Variants in ABCC2 observed in about 807,000 individuals in gnomAD.
ABCC2 encodes ATP binding cassette subfamily C member 2.
In ABCC2, 157 loss-of-function variants were observed where a neutral mutation model predicts 173.4. The observed-to-expected ratio is 0.91, with a 90% CI of 0.80 to 1.03. The LOEUF is 1.03. Ranked by LOEUF, ABCC2 falls within the 50% of genes least tolerant of loss-of-function variation. The probability of loss-of-function intolerance (pLI) is 0.00; values close to 1 mark genes in which losing one functional copy is unlikely to be tolerated. For synonymous variants in ABCC2, 657 were observed against 693.5 expected (o/e 0.95, Z 0.83); for missense variants, 1,822 against 1,852.3 (o/e 0.98, Z 0.30).
At chr10:99,829,265 A>G (rs747894466) in intron 19 of ABCC2, among the ~76,000 whole-genome samples, 2 of 152,058 alleles carry the variant, frequency 1.3e-5, no homozygotes, top group Non-Finnish European at 2.9e-5. Context: ...CATGGCTGCT[A>G]TGATTGTATG....
chr10:99,814,354 T>C (rs2038313790), intron 16 of ABCC2, among the ~76,000 whole-genome samples: 2 of 132,010 alleles, frequency 1.5e-5, no homozygotes, highest in Non-Finnish European at 3.3e-5. Context: ...TACACACGTA[T>C]GTATACACAC....
At chr10:99,785,713 T>G (rs1206655547) in intron 2 of ABCC2, among the ~76,000 whole-genome samples, 2 of 152,144 alleles carry the variant, frequency 1.3e-5, no homozygotes, top group Non-Finnish European at 2.9e-5. Context: ...GGGCGGGATT[T>G]CGCCATGTTG....
At chr10:99,850,891 A>T in intron 31 of ABCC2, 95 bp downstream of exon 31, 3 of 1,407,218 alleles carry the variant, frequency 2.1e-6, no homozygotes, top group Non-Finnish European at 3.0e-6. Flanking sequence ...AGAAGGTTTA[A>T]CCACCACCAC....
In ABCC2 at chr10:99,794,102, A is replaced by C. The variant is rs537207534; in HGVS notation, c.576+103A>C. The C allele has an allele frequency of 1.5e-5, 17 of 1,104,784 alleles. No homozygotes were observed. The South Asian group carries it at 2.0e-4, about 13-fold the overall frequency. The allele number at this position is 1,104,784 out of a possible 1,614,324, so 68.4% of individuals were successfully genotyped here. ...GGTCTCACGGAGGCGCCACAAGCCC[A>C]GAATAAGGTAGTACAGACCATTTTA... On this transcript the variant is annotated intron_variant, in intron 5 of 31. Coordinates refer to ENST00000647814, the MANE Select transcript of ABCC2 (RefSeq NM_000392.5).
rs779887351 is a variant in ABCC2 at position 99,799,338 on chromosome 10, C to T, written c.999C>T (p.Asp333=). Residue 333 remains aspartate, a synonymous_variant, in exon 8 of 32, where the codon GAC becomes GAT. Coordinates refer to ENST00000647814, the MANE Select transcript of ABCC2 (RefSeq NM_000392.5). ...LKSFLLKLVN[D]IFTFVSPQLL... ...CATTCCTACTGAAGCTAGTGAATGA[C>T]ATCTTCACGTTTGTGAGTCCTCAGC... 5.0e-6 allele frequency: 8 copies of T among 1,614,072 alleles called. No individual in the cohort carries two copies. Among genetic ancestry groups the T allele is most frequent in the African/African-American group, 2.7e-5 (2 of 74,932 alleles).
rs1564704221 is a variant in ABCC2 at position 99,851,561 on chromosome 10, A to ATTTGT, written c.4568_4569insTTTGT (p.Gln1523HisfsTer3). 6.2e-7 allele frequency: 1 copy of ATTTGT among 1,614,082 alleles called. No individual in the cohort carries two copies. Among genetic ancestry groups the ATTTGT allele is most frequent in the African/African-American group, 1.3e-5 (1 of 74,942 alleles). ...TGCGGCAGCCCTGAAGAACTGCTAC[A>ATTTGT]AATCCCTGGACCCTTTTACTTTATG... On this transcript the variant is annotated frameshift_variant, in exon 32 of 32. Transcript: ENST00000647814. LOFTEE classifies it high-confidence loss of function.
chr10:99,834,257 T>C (rs958989832), intron 23 of ABCC2, 123 bp from the exon 24 acceptor site: 3 of 981,076 alleles, frequency 3.1e-6, no homozygotes, highest in Non-Finnish European at 4.8e-6. Context: ...CACAATGAAA[T>C]GATTACATGA....
intron 1 of ABCC2, among the ~76,000 whole-genome samples, chr10:99,783,730 T>C (rs1210936887): frequency 3.9e-5 from 6 of 152,056 alleles, no homozygotes; most frequent in Non-Finnish European, 5.9e-5. Flanking sequence ...CCTCGTGTCT[T>C]AGAAAGGACC....
chr10:99,844,516 A>G (rs1446396546), intron 28 of ABCC2, 51 bp downstream of exon 28: 1 of 1,604,294 alleles, frequency 6.2e-7, no homozygotes, highest in Admixed American at 1.7e-5. Flanking sequence ...ATCAAACAAC[A>G]ATTGGACAGA....
rs1370293699 is a variant in ABCC2, at chr10:99,793,712, G to A, written c.468+27G>A. 6 of 1,613,920 alleles carry A rather than the reference G, an allele frequency of 3.7e-6. No individual in the cohort carries two copies. In the Admixed American group the frequency reaches 1.0e-4, roughly 27 times the overall value. ...TAAGGAAAAAAAGAGTGGATGACATGAGGAGGTACCATGGGGCAACCTCTA... is the reference window on the plus strand; with the variant it reads ...TAAGGAAAAAAAGAGTGGATGACATAAGGAGGTACCATGGGGCAACCTCTA... On this transcript the variant is annotated intron_variant, in intron 4 of 31. Coordinates refer to ENST00000647814, the MANE Select transcript of ABCC2 (RefSeq NM_000392.5).
rs779269741 is a variant in ABCC2, at chr10:99,850,754, T to A, written c.4466T>A (p.Ile1489Asn). 1.2e-6 allele frequency: 2 copies of A among 1,614,048 alleles called. No individual in the cohort carries two copies. Among genetic ancestry groups the A allele is most frequent in the African/African-American group, 1.3e-5 (1 of 74,928 alleles). ...AACGAGTTCGCCCACTGCACAGTGA[T>A]CACCATCGCCCACAGGCTGCACACC... is the stretch of plus-strand genomic sequence containing the variant. Reference protein sequence around the residue: ...IQNEFAHCTVITIAHRLHTIM... With the variant: ...IQNEFAHCTVNTIAHRLHTIM... Residue 1489 changes from isoleucine to asparagine, a missense_variant, in exon 31 of 32, where the codon ATC becomes AAC. By Grantham distance (149) the Ile-to-Asn change is moderately radical. Coordinates refer to ENST00000647814, the MANE Select transcript of ABCC2 (RefSeq NM_000392.5).
chr10:99,817,326 C>T lies in ABCC2; in HGVS notation c.2113C>T (p.Pro705Ser), dbSNP rs1236673016. ...CATCTAGGGCACCACTGCCTATGTC[C>T]CACAGCAGTCCTGGATTCAGAATGG... is the stretch of plus-strand genomic sequence containing the variant. ...ITIKGTTAYV[P>S]QQSWIQNGTI... The change falls in exon 17 of 32, where the codon CCA becomes TCA. Residue 705 changes from proline (P) to serine (S), a missense_variant. Pro to Ser is a moderately conservative substitution (Grantham distance 74). Coordinates refer to ENST00000647814, the MANE Select transcript of ABCC2 (RefSeq NM_000392.5). 1 of 1,614,146 alleles carries T rather than the reference C, an allele frequency of 6.2e-7. No homozygotes were observed. The highest frequency in any genetic ancestry group is 1.7e-5 in the Admixed American group (1 of 60,020).
At chr10:99,812,964 A>G in intron 15 of ABCC2, 54 bp from the exon 16 acceptor site, 3 of 1,604,222 alleles carry the variant, frequency 1.9e-6, no homozygotes, top group South Asian at 1.1e-5. Context: ...GACTTGAACT[A>G]CTCTTCAATA....
chr10:99,814,256 TAC>T lies in ABCC2; in HGVS notation c.2094+1117_2094+1118del, dbSNP rs370114104. The stretch of plus-strand genomic sequence containing the variant: ...GTGTATATATGCACACACGTATGTA[TAC>T]ACACGTATGTATACACACGTATGTA... On this transcript the variant is annotated intron_variant, in intron 16 of 31. Coordinates refer to ENST00000647814, the MANE Select transcript of ABCC2 (RefSeq NM_000392.5). Among the ~76,000 whole-genome samples the T allele has an allele frequency of 1.1e-4, 4 of 34,910 alleles. 1 individual carries two copies. The highest frequency in any genetic ancestry group is 2.3e-4 in the Non-Finnish European group (4 of 17,430). 22.9% of individuals were successfully genotyped at this position (34,910 alleles called of 152,430 possible). A position where few individuals can be genotyped will look rare whatever the true frequency, so the allele number is the denominator to read the frequency against.
rs772329652 is a variant in ABCC2 at position 99,830,443 on chromosome 10, C to T, written c.2747+10C>T. 6.2e-6 allele frequency: 10 copies of T among 1,614,190 alleles called. No individual in the cohort carries two copies. In the Admixed American group the frequency reaches 1.7e-4, roughly 27 times the overall value. ...GAACACTTAGCCGCAGGTTGGCTAT[C>T]TATTCAGCTGGCAGCCCTCGTCAGC... On this transcript the variant is annotated intron_variant, in intron 20 of 31. Transcript: ENST00000647814.
chr10:99,845,531 C>G, intron 28 of ABCC2, 93 bp from the exon 29 acceptor site: 5 of 1,509,204 alleles, frequency 3.3e-6, no homozygotes, highest in Non-Finnish European at 4.6e-6. Context: ...CAGTCACTGC[C>G]TCTTACCTCC....
At chr10:99,789,877 A>G (rs544620503) in intron 2 of ABCC2, among the ~76,000 whole-genome samples, 24 of 152,202 alleles carry the variant, frequency 1.6e-4, no homozygotes, top group Non-Finnish European at 3.1e-4. Context: ...AGTATCAAAA[A>G]GCCAGGATGA....
At position 99,814,248 on chromosome 10, in the gene ABCC2, C is replaced by CATGTGTAT. The variant is rs1564684033; in HGVS notation, c.2094+1104_2094+1105insATGTGTAT. Among the ~76,000 whole-genome samples, 5 of 30,146 alleles carry CATGTGTAT rather than the reference C, an allele frequency of 1.7e-4. 2 individuals carry two copies. The highest frequency in any genetic ancestry group is 3.6e-4 in the Non-Finnish European group (5 of 13,988). 19.8% of individuals were successfully genotyped at this position (30,146 alleles called of 152,430 possible). A position where few individuals can be genotyped will look rare whatever the true frequency, so the allele number is the denominator to read the frequency against. ...ACACACATGTGTATATATGCACACA[C>CATGTGTAT]GTATGTATACACACGTATGTATACA... On this transcript the variant is annotated intron_variant, in intron 16 of 31. Transcript: ENST00000647814.
intron 7 of ABCC2, 60 bp downstream of exon 7, chr10:99,797,391 G>A: frequency 7.0e-7 from 1 of 1,432,892 alleles, no homozygotes; most frequent in Non-Finnish European, 9.7e-7. Flanking sequence ...GGGTACATCA[G>A]CATCATGGCG....
Sources: gnomAD v4.1 joint callset for allele counts (sites outside exome capture counted in the v4.1 genomes callset) on GRCh38, gnomAD v4.1.1 for gene constraint, MANE v1.5 for transcripts, NCBI Gene and HGNC (gene_info 2026-07-23, HGNC 2026-07-21) for gene names.